The following MAP2K1 variants were observed in gnomAD, a reference collection of about 807,000 sequenced individuals.
MAP2K1 encodes mitogen-activated protein kinase kinase 1.
Under a neutral mutation model 46.3 loss-of-function variants are expected in MAP2K1, and 16 were observed. The observed-to-expected ratio is 0.35, with a 90% confidence interval of 0.23 to 0.52. The LOEUF is 0.52. Ranked by LOEUF, MAP2K1 falls within the 20% of genes least tolerant of loss-of-function variation. The probability of loss-of-function intolerance (pLI) is 0.94; values close to 1 mark genes in which losing one functional copy is unlikely to be tolerated. For synonymous variants in MAP2K1, 183 were observed against 185.6 expected, an observed-to-expected ratio of 0.99 and a Z score of 0.11; for missense variants, 263 against 497.1, an observed-to-expected ratio of 0.53 and a Z score of 4.48.
intron 7 of MAP2K1, among the ~76,000 whole-genome samples, chr15:66,486,226 T>C (rs184831775): frequency 2.0e-4 from 31 of 152,334 alleles, no homozygotes; most frequent in Admixed American, 6.5e-4. Context: ...TTTGGTAGAT[T>C]TATTTTTTAT....
intron 1 of MAP2K1, among the ~76,000 whole-genome samples, chr15:66,419,162 T>G (rs1249322693): frequency 6.6e-6 from 1 of 151,650 alleles, no homozygotes; most frequent in African/African-American, 2.4e-5. Flanking sequence ...CTGTTTTTTT[T>G]TCCCCCCTCT....
chr15:66,423,831 TC>T (rs1236914185), intron 1 of MAP2K1, among the ~76,000 whole-genome samples: 1 of 151,954 alleles, frequency 6.6e-6, no homozygotes, highest in Non-Finnish European at 1.5e-5. Context: ...GGTCTCAAAC[TC>T]CCAACCTCAG....
At chr15:66,472,834 T>C (rs1365114120) in intron 5 of MAP2K1, among the ~76,000 whole-genome samples, 3 of 152,232 alleles carry the variant, frequency 2.0e-5, no homozygotes, top group African/African-American at 4.8e-5. Context: ...GGCCATACTT[T>C]GGTGGAGCCT....
At chr15:66,454,873 ACT>A (rs1892123866) in intron 5 of MAP2K1, among the ~76,000 whole-genome samples, 1 of 150,732 alleles carries the variant, frequency 6.6e-6, no homozygotes, top group African/African-American at 2.4e-5. Flanking sequence ...ACAGAGTGAG[ACT>A]CTGTCTCGAA....
At chr15:66,478,276 C>CAT (rs148224079) in intron 5 of MAP2K1, among the ~76,000 whole-genome samples, 62 of 143,848 alleles carry the variant, frequency 4.3e-4, no homozygotes, top group South Asian at 3.4e-3. Context: ...ATATATTTAA[C>CAT]ATATATATAT....
At chr15:66,419,277 T>C (rs1026780416) in intron 1 of MAP2K1, among the ~76,000 whole-genome samples, 6 of 152,064 alleles carry the variant, frequency 3.9e-5, no homozygotes, top group Non-Finnish European at 8.8e-5. Flanking sequence ...TCTAGCACTT[T>C]GGGAGGCCGA....
chr15:66,398,433 G>A (rs750301185), intron 1 of MAP2K1, among the ~76,000 whole-genome samples: 3 of 151,460 alleles, frequency 2.0e-5, no homozygotes, highest in Non-Finnish European at 4.4e-5. Context: ...GTGATATCAA[G>A]GGAAAAAAAG....
At chr15:66,398,161 T>C (rs2093372766) in intron 1 of MAP2K1, among the ~76,000 whole-genome samples, 1 of 150,944 alleles carries the variant, frequency 6.6e-6, no homozygotes, top group Admixed American at 6.6e-5. Context: ...TCCCAGCACT[T>C]GGGCACTTGG....
chr15:66,449,708 C>T (rs1416847992), intron 5 of MAP2K1, among the ~76,000 whole-genome samples: 1 of 152,008 alleles, frequency 6.6e-6, no homozygotes, highest in African/African-American at 2.4e-5. Context: ...TGGTGAAACC[C>T]CCGTCTACTA....
intron 1 of MAP2K1, among the ~76,000 whole-genome samples, chr15:66,397,205 C>T (rs1196974386): frequency 2.0e-5 from 3 of 150,704 alleles, no homozygotes; most frequent in South Asian, 4.2e-4. Flanking sequence ...AAGGTTTCAC[C>T]GTGTAGCCAG....
At chr15:66,422,720 ATTGC>A in intron 1 of MAP2K1, among the ~76,000 whole-genome samples, 1 of 151,924 alleles carries the variant, frequency 6.6e-6, no homozygotes, top group East Asian at 1.9e-4. Context: ...TTTTTTAAGT[ATTGC>A]TTAGGGTGCC....
rs8684 is a variant in MAP2K1, at chr15:66,491,272, G to A, written c.*657G>A. ...GGTTGTATTTCTATATTTATTTTCA[G>A]TATACTGTGTGGGATACTTAGTGGT... On this transcript the variant is annotated 3_prime_UTR_variant, in exon 11 of 11. Coordinates refer to ENST00000307102, the MANE Select transcript of MAP2K1 (RefSeq NM_002755.4). The A allele has an allele frequency of 0.06, 14,221 of 237,318 alleles. 586 individuals are homozygous for A. Among genetic ancestry groups the A allele is most frequent in the Middle Eastern group, 0.1 (82 of 786 alleles). The allele number at this position is 237,318 out of a possible 1,614,324, so 14.7% of individuals were successfully genotyped here.
intron 1 of MAP2K1, among the ~76,000 whole-genome samples, chr15:66,389,157 C>T (rs2093350852): frequency 6.6e-6 from 1 of 151,748 alleles, no homozygotes; most frequent in Non-Finnish European, 1.5e-5. Flanking sequence ...CCACCTGCCT[C>T]GGCCTCCGAA....
intron 5 of MAP2K1, among the ~76,000 whole-genome samples, chr15:66,452,755 A>G (rs543209368): frequency 1.3e-4 from 20 of 152,350 alleles, no homozygotes; most frequent in Admixed American, 5.2e-4. Context: ...TGTTTTGCTT[A>G]TAGAAAGCTC....
At chr15:66,424,309 C>T (rs749683175) in intron 1 of MAP2K1, among the ~76,000 whole-genome samples, 9 of 150,902 alleles carry the variant, frequency 6.0e-5, no homozygotes, top group East Asian at 6.0e-4. Flanking sequence ...CTGCCTGCCT[C>T]GGCCTCCCAA....
chr15:66,482,619 C>G (rs1187830003), intron 6 of MAP2K1, among the ~76,000 whole-genome samples: 1 of 152,222 alleles, frequency 6.6e-6, no homozygotes. Flanking sequence ...CTTCCCTCCT[C>G]CATACCACCG....
chr15:66,434,475 T>G (rs2093482404), intron 1 of MAP2K1, among the ~76,000 whole-genome samples: 2 of 152,222 alleles, frequency 1.3e-5, no homozygotes, highest in Non-Finnish European at 2.9e-5. Context: ...ATACATTGAG[T>G]AAAAATAAGA....
rs61097642 is a variant in MAP2K1, at chr15:66,413,913, T to TC, written c.81-21114_81-21113insC. ...GTTCTTATTTTTTTCTTCTTCTTCT[T>TC]TTTTTTTTTTTTTTCCTGTAACCTT... On this transcript the variant is annotated intron_variant, in intron 1 of 10. Coordinates refer to ENST00000307102, the MANE Select transcript of MAP2K1 (RefSeq NM_002755.4). 5.8e-3 allele frequency among the ~76,000 whole-genome samples: 868 copies of TC among 148,466 alleles called. 6 individuals carry two copies. Among genetic ancestry groups the TC allele is most frequent in the African/African-American group, 0.019 (785 of 40,380 alleles).
intron 5 of MAP2K1, among the ~76,000 whole-genome samples, chr15:66,480,090 TAATA>T (rs1892878236): frequency 2.0e-5 from 3 of 151,486 alleles, no homozygotes; most frequent in African/African-American, 7.3e-5. Flanking sequence ...TTTATTTATT[TAATA>T]AATATATTTT....
Sources: allele counts gnomAD v4.1 joint callset (sites outside exome capture counted in the v4.1 genomes callset), GRCh38; gene constraint gnomAD v4.1.1; transcripts MANE v1.5; gene names NCBI Gene and HGNC (gene_info 2026-07-23, HGNC 2026-07-21).